The following GATA5 variants were observed in gnomAD, a reference collection of about 807,000 sequenced individuals.
The protein encoded by GATA5 is transcription factor GATA-5.
A neutral mutation model predicts 35.0 loss-of-function variants in GATA5; 27 were observed. The ratio of observed to expected loss-of-function variants is 0.77; its 90% CI spans 0.57 to 1.06. The LOEUF (loss-of-function observed/expected upper bound fraction) is 1.06. Among genes scored for constraint, GATA5 ranks in the 50% least tolerant of loss-of-function variants. The pLI, the probability that GATA5 is intolerant of heterozygous loss-of-function variation, is 0.00. For missense variants in GATA5, 612 were observed against 580.0 expected, an observed-to-expected ratio of 1.06 and a Z score of -0.57; for synonymous variants, 306 against 267.8, an observed-to-expected ratio of 1.14 and a Z score of -1.39.
At chr20:62,469,632 G>C (rs1162210484) in intron 3 of GATA5, among the ~76,000 whole-genome samples, 1 of 152,244 alleles carries the variant, frequency 6.6e-6, no homozygotes, top group African/African-American at 2.4e-5. Flanking sequence ...CCCTCACCCC[G>C]CACCCCTGCG....
chr20:62,472,412 C>T (rs1180014784), intron 3 of GATA5, among the ~76,000 whole-genome samples: 5 of 152,204 alleles, frequency 3.3e-5, no homozygotes, highest in Admixed American at 6.5e-5. Context: ...GCATAGCACG[C>T]GAATCCAGGC....
At position 62,471,432 on chromosome 20, in the gene GATA5, ATTT is replaced by A. The variant is rs574764628; in HGVS notation, c.699+1968_699+1970del. ...TAAAGAGAAGTTAATTTCAATTACA[ATTT>A]TTTTTTTTTTTTTTGTGATGAGGTC... On this transcript the variant is annotated intron_variant, in intron 3 of 6. Transcript: ENST00000252997. Among the ~76,000 whole-genome samples, 3 of 81,770 alleles carry A rather than the reference ATTT, an allele frequency of 3.7e-5. 1 individual carries two copies. Among genetic ancestry groups the A allele is most frequent in the Non-Finnish European group, 7.2e-5 (3 of 41,880 alleles). The allele number at this position is 81,770 out of a possible 152,430, so 53.6% of individuals were successfully genotyped here. A position where few individuals can be genotyped will look rare whatever the true frequency, so the allele number is the denominator to read the frequency against.
At chr20:62,474,957 G>T in intron 2 of GATA5, 42 bp downstream of exon 2, 1 of 1,267,390 alleles carries the variant, frequency 7.9e-7, no homozygotes, top group South Asian at 2.7e-5. Context: ...ACCCGGATTC[G>T]GCCGCTCCTG....
intron 5 of GATA5, 115 bp from the exon 6 acceptor site, chr20:62,465,579 G>A (rs1320579014): frequency 8.8e-6 from 12 of 1,370,350 alleles, no homozygotes; most frequent in African/African-American, 1.4e-5. Context: ...GACTCCTCAC[G>A]GTCACACCGC....
intron 5 of GATA5, 129 bp from the exon 6 acceptor site, chr20:62,465,593 C>T (rs1010283288): frequency 1.4e-5 from 18 of 1,296,762 alleles, no homozygotes; most frequent in African/African-American, 3.0e-5. Context: ...ACACCGCAGG[C>T]GTGGGTGGTG....
In GATA5 at chr20:62,470,171, G is replaced by A. The variant is rs1296726444; in HGVS notation, c.699+3232C>T. ...CATCTGAGACATCCAAATAAATCAG[G>A]CTCTGGGCAGGGCAGGGCCCGGGCC... On this transcript the variant is annotated intron_variant, in intron 3 of 6. Transcript: ENST00000252997. This position sits in a 1 kb window ranked among gnomAD's most constrained non-coding sequence, Gnocchi z 4.6. Among the ~76,000 whole-genome samples the A allele has an allele frequency of 1.3e-5, 2 of 152,270 alleles. No individual in the cohort carries two copies. The highest frequency in any genetic ancestry group is 6.5e-5 in the Admixed American group (1 of 15,292).
In GATA5 at chr20:62,468,055, C is replaced by T. The variant is rs868971333; in HGVS notation, c.700-1504G>A. ...TGTTACAGCCCTCTATGAGCAGACA[C>T]AGCCAGCCTCGGCTTCCCCGTCTGT... On this transcript the variant is annotated intron_variant, in intron 3 of 6. Coordinates refer to ENST00000252997, the MANE Select transcript of GATA5 (RefSeq NM_080473.5). Among the ~76,000 whole-genome samples, 34 of 149,078 alleles carry T rather than the reference C, an allele frequency of 2.3e-4. 1 individual carries two copies. The highest frequency in any genetic ancestry group is 8.5e-4 in the African/African-American group (33 of 39,028).
Position 62,473,556 on chromosome 20 carries a change from G to A in GATA5, c.546C>T (p.Phe182=). ...TGACACACTCACGACCCTCACCCGG[G>A]AACTCCTCCAAGAAGTCGGACACTG... The part of the protein sequence containing the change: ...PTFVSDFLEE[F]PGEGRECVNC... Residue 182 remains phenylalanine (F), a synonymous_variant, in exon 3 of 7, where the codon TTC becomes TTT. Coordinates refer to ENST00000252997, the MANE Select transcript of GATA5 (RefSeq NM_080473.5). 2 of 1,600,762 alleles carry A rather than the reference G, an allele frequency of 1.2e-6. No individual in the cohort carries two copies. Among genetic ancestry groups the A allele is most frequent in the Non-Finnish European group, 1.7e-6 (2 of 1,174,290 alleles).
At position 62,475,104 on chromosome 20, in the gene GATA5, C is replaced by A. The variant is rs1555896990; in HGVS notation, c.418G>T (p.Ala140Ser). 1 of 1,397,118 alleles carries A rather than the reference C, an allele frequency of 7.2e-7. No homozygotes were observed. Among genetic ancestry groups the A allele is most frequent in the Non-Finnish European group, 9.3e-7 (1 of 1,072,308 alleles). The allele number at this position is 1,397,118 out of a possible 1,614,324, so 86.5% of individuals were successfully genotyped here. Residue 140 changes from alanine to serine, a missense_variant, in exon 2 of 7, where the codon GCC becomes TCC. Transcript: ENST00000252997. ...LGRPVGTSYS[A>S]TYPAYVSPDV... Reference sequence around the variant, plus strand: ...GGGCTCACGTAGGCCGGGTAGGTGGCGGAGTACGAGGTCCCCACCGGCCGC... The same window carrying A: ...GGGCTCACGTAGGCCGGGTAGGTGGAGGAGTACGAGGTCCCCACCGGCCGC...
intron 3 of GATA5, among the ~76,000 whole-genome samples, chr20:62,468,972 G>A (rs549757917): frequency 1.4e-4 from 22 of 152,342 alleles, no homozygotes; most frequent in Non-Finnish European, 2.4e-4. Context: ...AGCAGCTACT[G>A]TTACTGGACA....
chr20:62,464,822 G>A lies in GATA5; in HGVS notation c.*14C>T. On this transcript the variant is annotated 3_prime_UTR_variant, in exon 7 of 7. Transcript: ENST00000252997. Reference sequence around the variant, plus strand: ...GTTCCAGGCTGTTCCCCTGACATGGGCTGGCCTGGGGACCTAGGCCAAGGC... The same window carrying A: ...GTTCCAGGCTGTTCCCCTGACATGGACTGGCCTGGGGACCTAGGCCAAGGC... The A allele has an allele frequency of 1.9e-6, 3 of 1,573,406 alleles. No homozygotes were observed. The highest frequency in any genetic ancestry group is 2.6e-6 in the Non-Finnish European group (3 of 1,158,344).
intron 3 of GATA5, among the ~76,000 whole-genome samples, chr20:62,468,715 C>T (rs1228265141): frequency 6.6e-6 from 1 of 152,274 alleles, no homozygotes; most frequent in Admixed American, 6.5e-5. Flanking sequence ...GACAATGTCT[C>T]CCACCCTGGG....
intron 3 of GATA5, among the ~76,000 whole-genome samples, chr20:62,467,364 G>T (rs546168903): frequency 1.3e-4 from 20 of 152,324 alleles, no homozygotes; most frequent in African/African-American, 4.8e-4. Flanking sequence ...GGCCGCACAA[G>T]TTGGTGCTTG....
chr20:62,469,834 G>A (rs963779710), intron 3 of GATA5, among the ~76,000 whole-genome samples: 2 of 152,212 alleles, frequency 1.3e-5, no homozygotes, highest in East Asian at 1.9e-4. Context: ...GAGGAGCTGC[G>A]GGACCAGAGG....
Position 62,466,515 on chromosome 20 carries a change from A to T in GATA5, c.736T>A (p.Cys246Ser). 6.4e-7 allele frequency: 1 copy of T among 1,563,286 alleles called. No homozygotes were observed. Among genetic ancestry groups the T allele is most frequent in the Non-Finnish European group, 8.7e-7 (1 of 1,153,946 alleles). ...CACAGCGTGGTGTTGGTCGTGTGGCAGTTGGTGCAGCAGAGGCCGGCGCGG... is the reference window on the plus strand; with the variant it reads ...CACAGCGTGGTGTTGGTCGTGTGGCTGTTGGTGCAGCAGAGGCCGGCGCGG... ...SRRAGLCCTN[C>S]HTTNTTLWRR... The change falls in exon 4 of 7, where the codon TGC becomes AGC. Residue 246 changes from cysteine (C) to serine (S), a missense_variant. Coordinates refer to ENST00000252997, the MANE Select transcript of GATA5 (RefSeq NM_080473.5).
In GATA5 at chr20:62,464,776, A is replaced by G; in HGVS notation, c.*60T>C. ...CTGTGCTGGAGCAAAGCAGGCACGG[A>G]GGTGACTCAGTGGGTGGTCTGTTCC... On this transcript the variant is annotated 3_prime_UTR_variant, in exon 7 of 7. Coordinates refer to ENST00000252997, the MANE Select transcript of GATA5 (RefSeq NM_080473.5). 2.8e-6 allele frequency: 4 copies of G among 1,415,262 alleles called. No homozygotes were observed. The highest frequency in any genetic ancestry group is 1.5e-5 in the African/African-American group (1 of 68,054). The allele number at this position is 1,415,262 out of a possible 1,614,324, so 87.7% of individuals were successfully genotyped here.
chr20:62,471,782 G>A (rs1030745227), intron 3 of GATA5, among the ~76,000 whole-genome samples: 5 of 150,982 alleles, frequency 3.3e-5, no homozygotes, highest in Admixed American at 2.0e-4. Flanking sequence ...AGGCTGGAGT[G>A]CCTTGGTGTG....
In GATA5 at chr20:62,466,277, C is replaced by T. The variant is rs56087534; in HGVS notation, c.825+149G>A. 0.1 allele frequency: 93,589 copies of T among 932,496 alleles called. 5,423 individuals carry two copies. Among genetic ancestry groups the T allele is most frequent in the Middle Eastern group, 0.13 (387 of 2,912 alleles). 57.8% of individuals were successfully genotyped at this position (932,496 alleles called of 1,614,324 possible). A position where few individuals can be genotyped will look rare whatever the true frequency, so the allele number is the denominator to read the frequency against. ...GGGCCCCCGGGGGTGGTGCCGCAGT[C>T]GGCCGGCCGGGACATGTGTGTACAA... is the stretch of plus-strand genomic sequence containing the variant. On this transcript the variant is annotated intron_variant, in intron 4 of 6. Transcript: ENST00000252997.
chr20:62,473,775 A>G (rs782339380), intron 2 of GATA5, among the ~76,000 whole-genome samples, 197 bp from the exon 3 acceptor site: 56 of 152,356 alleles, frequency 3.7e-4, no homozygotes, highest in Non-Finnish European at 5.3e-4. Flanking sequence ...TAAATTTTTA[A>G]TTCACATACG....
Sources: gnomAD v4.1 joint callset for allele counts (sites outside exome capture counted in the v4.1 genomes callset) on GRCh38, gnomAD v4.1.1 for gene constraint, Gnocchi (gnomAD v3.1) non-coding constraint, MANE v1.5 for transcripts, NCBI Gene and HGNC (gene_info 2026-07-23, HGNC 2026-07-21) for gene names.